ASPRV1: variants seen among roughly 807,000 people sequenced by gnomAD.
ASPRV1 encodes the protein retroviral-like aspartic protease 1.
In ASPRV1, 7 loss-of-function variants were observed where a neutral mutation model predicts 11.0. That is an observed-to-expected ratio of 0.64 (90% CI 0.36 to 1.20). ASPRV1 has a LOEUF of 1.20. Ranked by LOEUF, ASPRV1 falls within the 50% of genes most tolerant of loss-of-function variation. The pLI, the probability that ASPRV1 is intolerant of heterozygous loss-of-function variation, is 0.02. For missense variants in ASPRV1, 299 were observed against 320.0 expected (o/e 0.93, Z 0.50); for synonymous variants, 136 against 138.4 (o/e 0.98, Z 0.12).
chr2:70,046,492 A>C, the ASPRV1 span: 1 of 152,220 alleles, frequency 6.6e-6, no homozygotes, highest in African/African-American at 2.4e-5. Flanking sequence ...AATCAGCCTA[A>C]GTATAATCAC....
At chr2:69,969,633 C>T in the ASPRV1 span, among the ~76,000 whole-genome samples, 1 of 152,134 alleles carries the variant, frequency 6.6e-6, no homozygotes. Context: ...CTCTCTGCAC[C>T]GCTTACCCAT....
chr2:70,072,473 A>G, the ASPRV1 span, among the ~76,000 whole-genome samples: 1 of 151,496 alleles, frequency 6.6e-6, no homozygotes, highest in African/African-American at 2.4e-5. Context: ...CTGTAATCCC[A>G]GCACTTTGGG....
At chr2:69,969,055 G>A in the ASPRV1 span, among the ~76,000 whole-genome samples, 16 of 152,160 alleles carry the variant, frequency 1.1e-4, no homozygotes, top group Non-Finnish European at 2.9e-5. Flanking sequence ...CTTGGTCAAT[G>A]ACCACTTGTT....
the ASPRV1 span, among the ~76,000 whole-genome samples, chr2:70,004,359 G>A: frequency 1.3e-5 from 2 of 151,812 alleles, no homozygotes; most frequent in Admixed American, 6.6e-5. Context: ...GTAAAACCCC[G>A]TCTCTACTAA....
the ASPRV1 span, among the ~76,000 whole-genome samples, chr2:70,072,896 TAAA>T: frequency 2.8e-5 from 2 of 70,328 alleles, no homozygotes; most frequent in Admixed American, 1.3e-4. Context: ...TATAAAAAAC[TAAA>T]AAAAAAAAAA....
chr2:69,981,001 C>T, the ASPRV1 span, among the ~76,000 whole-genome samples: 900 of 152,302 alleles, frequency 5.9e-3, 8 homozygotes, highest in African/African-American at 0.021. Context: ...ATCTCAAACT[C>T]CTGACTTCAG....
the ASPRV1 span, among the ~76,000 whole-genome samples, chr2:70,058,716 C>A: frequency 7.1e-4 from 107 of 150,292 alleles, no homozygotes; most frequent in African/African-American, 2.4e-3. Flanking sequence ...GCACACCCGG[C>A]TAATTTTTGT....
At chr2:70,072,189 T>C in the ASPRV1 span, among the ~76,000 whole-genome samples, 1 of 151,258 alleles carries the variant, frequency 6.6e-6, no homozygotes, top group Non-Finnish European at 1.5e-5. Context: ...TGGCCTCAAG[T>C]GATCCACCCA....
chr2:70,064,737 A>C, the ASPRV1 span, among the ~76,000 whole-genome samples: 1 of 152,212 alleles, frequency 6.6e-6, no homozygotes, highest in African/African-American at 2.4e-5. Context: ...TATTCACTTC[A>C]CAAGTATTGT....
At chr2:70,014,796 C>CAAAA in the ASPRV1 span, among the ~76,000 whole-genome samples, 29 of 73,978 alleles carry the variant, frequency 3.9e-4, no homozygotes, top group Admixed American at 7.0e-4. Flanking sequence ...GACCTTGTCT[C>CAAAA]AAAAAAAAAA....
the ASPRV1 span, among the ~76,000 whole-genome samples, chr2:70,023,673 CAA>C: frequency 2.0e-4 from 25 of 125,516 alleles, no homozygotes; most frequent in Middle Eastern, 4.3e-3. Context: ...GACTCTGTCT[CAA>C]AAAAAAAAAA....
the ASPRV1 span, among the ~76,000 whole-genome samples, chr2:69,970,055 G>A: frequency 6.6e-6 from 1 of 152,014 alleles, no homozygotes; most frequent in Non-Finnish European, 1.5e-5. Flanking sequence ...ATCTGGCAAT[G>A]GCACTACTAT....
At chr2:70,086,303 G>A in the ASPRV1 span, 1 of 152,240 alleles carries the variant, frequency 6.6e-6, no homozygotes, top group Non-Finnish European at 1.5e-5. Context: ...CCAAGGGTAA[G>A]GAACAGGGGA....
At chr2:69,934,909 T>C in the ASPRV1 span, among the ~76,000 whole-genome samples, 1 of 152,216 alleles carries the variant, frequency 6.6e-6, no homozygotes, top group East Asian at 1.9e-4. Context: ...ACTCCACAGA[T>C]ATATATGCTC....
the ASPRV1 span, among the ~76,000 whole-genome samples, chr2:70,024,039 C>G: frequency 6.7e-6 from 1 of 148,432 alleles, no homozygotes; most frequent in African/African-American, 2.5e-5. Flanking sequence ...CTGCTTGAGG[C>G]TAAGAGTTCA....
the ASPRV1 span, among the ~76,000 whole-genome samples, chr2:70,072,913 A>C: frequency 2.7e-5 from 4 of 150,868 alleles, no homozygotes; most frequent in African/African-American, 9.7e-5. Context: ...AAAAAAAAAA[A>C]AAACAGCCGG....
the ASPRV1 span, chr2:69,975,774 G>C: frequency 1.3e-5 from 2 of 152,294 alleles, no homozygotes; most frequent in Non-Finnish European, 2.9e-5. Context: ...AGGCAGAGCT[G>C]CTTGTTTAAT....
chr2:70,047,881 C>T, the ASPRV1 span, among the ~76,000 whole-genome samples: 1 of 152,080 alleles, frequency 6.6e-6, no homozygotes, highest in Non-Finnish European at 1.5e-5. Flanking sequence ...GAGGCTAAGG[C>T]AGGTGGATCA....
the ASPRV1 span, among the ~76,000 whole-genome samples, chr2:69,966,785 A>T: frequency 6.6e-6 from 1 of 152,244 alleles, no homozygotes; most frequent in South Asian, 2.1e-4. Context: ...GTGAGCAATT[A>T]AAACCTATCA....
Sources: allele counts gnomAD v4.1 joint callset (sites outside exome capture counted in the v4.1 genomes callset), GRCh38; gene constraint gnomAD v4.1.1; transcripts MANE v1.5; gene names NCBI Gene and HGNC (gene_info 2026-07-23, HGNC 2026-07-21).